SNTG1: variants seen among roughly 807,000 people sequenced by gnomAD.
The protein encoded by SNTG1 is syntrophin gamma 1.
Under a neutral mutation model 74.7 loss-of-function variants are expected in SNTG1, and 39 were observed. That is an observed-to-expected ratio of 0.52 (90% CI 0.40 to 0.68). SNTG1 has a LOEUF of 0.68. Among genes scored for constraint, SNTG1 ranks in the 30% least tolerant of loss-of-function variants. The pLI is 0.00. For synonymous variants in SNTG1, 254 were observed against 217.1 expected, an observed-to-expected ratio of 1.17 and a Z score of -1.49; for missense variants, 685 against 609.5, an observed-to-expected ratio of 1.12 and a Z score of -1.30.
chr8:50,731,088 C>T (rs2095511856), intron 17 of SNTG1, among the ~76,000 whole-genome samples: 1 of 152,092 alleles, frequency 6.6e-6, no homozygotes, highest in East Asian at 1.9e-4. Context: ...ATTCAGATTA[C>T]ATTTTAGGGT....
intron 2 of SNTG1, among the ~76,000 whole-genome samples, chr8:50,262,382 G>C (rs995428726): frequency 6.6e-6 from 1 of 152,048 alleles, no homozygotes; most frequent in Non-Finnish European, 1.5e-5. Context: ...TAAATCAAGA[G>C]AAAATCAGCA....
intron 1 of SNTG1, among the ~76,000 whole-genome samples, chr8:50,045,864 AC>A (rs1819040484): frequency 6.6e-6 from 1 of 152,288 alleles, no homozygotes; most frequent in South Asian, 2.1e-4. Flanking sequence ...AATTTGTAAG[AC>A]ATTGTTCAGT....
intron 13 of SNTG1, among the ~76,000 whole-genome samples, chr8:50,601,150 GA>G (rs1563632752): frequency 4.6e-5 from 1 of 21,888 alleles, no homozygotes; most frequent in African/African-American, 5.1e-4. Context: ...GAGCCAGCGA[GA>G]CAAAAAAAAA....
At chr8:50,046,967 ATGTTAT>A (rs1388163217) in intron 1 of SNTG1, among the ~76,000 whole-genome samples, 1 of 152,172 alleles carries the variant, frequency 6.6e-6, no homozygotes, top group Non-Finnish European at 1.5e-5. Flanking sequence ...AATGTCATTT[ATGTTAT>A]TAAGTTAGTT....
intron 1 of SNTG1, among the ~76,000 whole-genome samples, chr8:50,064,215 A>G (rs563440556): frequency 2.0e-5 from 3 of 152,328 alleles, no homozygotes; most frequent in Non-Finnish European, 4.4e-5. Flanking sequence ...GATGACTAAA[A>G]CAGAAGCTTT....
chr8:50,626,380 G>A (rs184644332), intron 13 of SNTG1, among the ~76,000 whole-genome samples: 96 of 152,184 alleles, frequency 6.3e-4, no homozygotes, highest in African/African-American at 1.8e-3. Flanking sequence ...AGACCAGCTC[G>A]GTTGAGGAGA....
At chr8:50,342,963 C>A (rs975616277) in intron 2 of SNTG1, among the ~76,000 whole-genome samples, 5 of 152,122 alleles carry the variant, frequency 3.3e-5, no homozygotes, top group African/African-American at 1.2e-4. Flanking sequence ...TATCATAATT[C>A]TGTTTCAAGT....
At chr8:50,717,350 T>A (rs1395664569) in intron 17 of SNTG1, among the ~76,000 whole-genome samples, 1 of 152,236 alleles carries the variant, frequency 6.6e-6, no homozygotes, top group African/African-American at 2.4e-5. Context: ...GCTTAAATTA[T>A]CATTTTTGAT....
intron 15 of SNTG1, among the ~76,000 whole-genome samples, chr8:50,703,663 T>C (rs974981655): frequency 5.9e-5 from 9 of 152,180 alleles, no homozygotes; most frequent in Non-Finnish European, 1.3e-4. Context: ...ATTATTATTA[T>C]GTAGCATACA....
chr8:50,635,302 C>T (rs1479947979), intron 13 of SNTG1, among the ~76,000 whole-genome samples: 2 of 152,098 alleles, frequency 1.3e-5, no homozygotes, highest in Non-Finnish European at 2.9e-5. Flanking sequence ...CTACTTCCTA[C>T]ATTCGCTCAA....
At chr8:50,159,694 C>A (rs749840798) in intron 1 of SNTG1, among the ~76,000 whole-genome samples, 1 of 152,068 alleles carries the variant, frequency 6.6e-6, no homozygotes, top group Non-Finnish European at 1.5e-5. Context: ...AAAAGCCATA[C>A]GTGTGTACTT....
intron 1 of SNTG1, among the ~76,000 whole-genome samples, chr8:50,116,492 G>T (rs1231307586): frequency 6.6e-6 from 1 of 152,042 alleles, no homozygotes; most frequent in East Asian, 1.9e-4. Context: ...TGTTGGAATG[G>T]ACTTTAAAAC....
intron 2 of SNTG1, among the ~76,000 whole-genome samples, chr8:50,172,940 G>A (rs546513325): frequency 4.0e-5 from 6 of 150,128 alleles, no homozygotes; most frequent in African/African-American, 7.4e-5. Flanking sequence ...ACTATTTATA[G>A]GAATGAGAAA....
intron 1 of SNTG1, among the ~76,000 whole-genome samples, chr8:50,070,637 A>C (rs1022533807): frequency 1.3e-5 from 2 of 152,238 alleles, no homozygotes; most frequent in African/African-American, 2.4e-5. Context: ...AAAAACAAAA[A>C]CAAAAAGAAA....
chr8:50,704,413 G>A (rs1308675690), intron 15 of SNTG1, among the ~76,000 whole-genome samples, 187 bp from the exon 16 acceptor site: 1 of 152,198 alleles, frequency 6.6e-6, no homozygotes, highest in Non-Finnish European at 1.5e-5. Flanking sequence ...TCAGTGTAAA[G>A]ACAGAGAAGT....
chr8:50,324,394 A>C lies in SNTG1; in HGVS notation c.-27-69818A>C, dbSNP rs28814120. Among the ~76,000 whole-genome samples the C allele has an allele frequency of 5.0e-3, 759 of 152,232 alleles. 4 individuals carry two copies. The highest frequency in any genetic ancestry group is 0.017 in the African/African-American group (720 of 41,536). ...TATGACTGTCTCTTCGGCCCTCCTC[A>C]ATACTCTTTCCATAATATAAAGTTT... On this transcript the variant is annotated intron_variant, in intron 2 of 18. Coordinates refer to ENST00000642720, the MANE Select transcript of SNTG1 (RefSeq NM_018967.5).
chr8:50,047,189 G>A (rs1819163549), intron 1 of SNTG1, among the ~76,000 whole-genome samples: 1 of 152,024 alleles, frequency 6.6e-6, no homozygotes, highest in Admixed American at 6.6e-5. Flanking sequence ...AAACACAAAT[G>A]TTAGCCAGGT....
intron 13 of SNTG1, chr8:50,644,590 C>T (rs962238668): frequency 6.6e-6 from 1 of 152,118 alleles, no homozygotes; most frequent in African/African-American, 2.4e-5. Flanking sequence ...AGTTAGGCTT[C>T]CAGTCGACAG....
intron 1 of SNTG1, among the ~76,000 whole-genome samples, chr8:50,127,614 G>A (rs1013929593): frequency 2.6e-5 from 4 of 152,112 alleles, no homozygotes; most frequent in East Asian, 1.9e-4. Flanking sequence ...GGTCTAGACC[G>A]GGTTTGCACA....
Sources: gnomAD v4.1 joint callset for allele counts (sites outside exome capture counted in the v4.1 genomes callset) on GRCh38, gnomAD v4.1.1 for gene constraint, MANE v1.5 for transcripts, NCBI Gene and HGNC (gene_info 2026-07-23, HGNC 2026-07-21) for gene names.